Variants in IL1RL2 observed in about 807,000 individuals in gnomAD.
The protein encoded by IL1RL2 is interleukin 1 receptor like 2.
A neutral mutation model predicts 66.8 loss-of-function variants in IL1RL2; 68 were observed. The observed-to-expected ratio is 1.02, with a 90% CI of 0.84 to 1.25. IL1RL2 has a LOEUF of 1.25. Ranked by LOEUF, IL1RL2 falls within the 50% of genes most tolerant of loss-of-function variation. IL1RL2 has a pLI of 0.00. For missense variants in IL1RL2, 729 were observed against 709.3 expected (o/e 1.03, Z -0.32); for synonymous variants, 305 against 264.6 (o/e 1.15, Z -1.48).
chr2:102,235,910 T>C, intron 11 of IL1RL2: 2 of 985,428 alleles, frequency 2.0e-6, no homozygotes, highest in Non-Finnish European at 2.4e-6. Flanking sequence ...GACTGCCTCT[T>C]GGTCACCCTT....
At chr2:102,228,876 T>C (rs950319094) in intron 9 of IL1RL2, among the ~76,000 whole-genome samples, 1 of 150,038 alleles carries the variant, frequency 6.7e-6, no homozygotes, top group Non-Finnish European at 1.5e-5. Context: ...CAAAGGCAGA[T>C]TTTTTTTCCC....
At chr2:102,194,349 T>C (rs1024853239) in intron 4 of IL1RL2, among the ~76,000 whole-genome samples, 3 of 152,224 alleles carry the variant, frequency 2.0e-5, no homozygotes, top group African/African-American at 4.8e-5. Flanking sequence ...ATTATTATTA[T>C]TGTTAGACTC....
intron 6 of IL1RL2, among the ~76,000 whole-genome samples, chr2:102,215,829 T>C (rs1689566515): frequency 6.6e-6 from 1 of 152,128 alleles, no homozygotes; most frequent in African/African-American, 2.4e-5. Flanking sequence ...AAAGCCAACA[T>C]ACCTTATCCA....
Position 102,235,121 on chromosome 2 carries a change from C to T in IL1RL2, c.1522C>T (p.His508Tyr). The change falls in exon 11 of 12, where the codon CAT becomes TAT. Residue 508 changes from histidine (H) to tyrosine (Y), a missense_variant. Transcript: ENST00000264257. ...PESIQYIKQKHGAIRWHGDFT... is the reference protein window; with the variant it reads ...PESIQYIKQKYGAIRWHGDFT... ...GTCAATTCAGTACATCAAACAGAAG[C>T]ATGGTGCCATCCGGTGGCATGGGGA... 1 of 1,614,220 alleles carries T rather than the reference C, an allele frequency of 6.2e-7. No individual in the cohort carries two copies. Among genetic ancestry groups the T allele is most frequent in the South Asian group, 1.1e-5 (1 of 91,084 alleles).
chr2:102,229,474 A>C (rs1230040534), intron 9 of IL1RL2, among the ~76,000 whole-genome samples: 1 of 152,090 alleles, frequency 6.6e-6, no homozygotes, highest in East Asian at 1.9e-4. Flanking sequence ...CAGCTGGGAG[A>C]CTTTGGAGAG....
At chr2:102,209,270 A>G (rs1243644370) in intron 5 of IL1RL2, among the ~76,000 whole-genome samples, 2 of 152,230 alleles carry the variant, frequency 1.3e-5, no homozygotes, top group Non-Finnish European at 2.9e-5. Flanking sequence ...TGGTGAATCT[A>G]GGGGTTAAAT....
At position 102,206,891 on chromosome 2, in the gene IL1RL2, TA is replaced by T. The variant is rs567692402; in HGVS notation, c.649+5179del. On this transcript the variant is annotated intron_variant, in intron 5 of 11. Transcript: ENST00000264257. ...GCCATCTAGGAGTGAGGGATTAGAGTAAACAAACCTTAGAAGTCTACCAAGT... is the reference window on the plus strand; with the variant it reads ...GCCATCTAGGAGTGAGGGATTAGAGTAACAAACCTTAGAAGTCTACCAAGT... Among the ~76,000 whole-genome samples the T allele has an allele frequency of 1.2e-3, 190 of 152,208 alleles. 1 individual carries two copies. The highest frequency in any genetic ancestry group is 4.3e-3 in the African/African-American group (178 of 41,528).
intron 3 of IL1RL2, among the ~76,000 whole-genome samples, chr2:102,190,772 A>T (rs1687158473): frequency 6.6e-6 from 1 of 152,254 alleles, no homozygotes; most frequent in South Asian, 2.1e-4. Flanking sequence ...TGAAGATCAT[A>T]CATCACATAA....
rs144973039 is a variant in IL1RL2, at chr2:102,201,623, C to T, written c.557C>T (p.Ser186Leu). ...LETRLLVSNV[S>L]AEDRGNYACQ... is the part of the protein sequence containing the mutation. ...ACCAGGCTTTTGGTGAGCAATGTCTCGGCAGAGGACAGAGGGAACTACGCG... is the reference window on the plus strand; with the variant it reads ...ACCAGGCTTTTGGTGAGCAATGTCTTGGCAGAGGACAGAGGGAACTACGCG... The change falls in exon 5 of 12, where the codon TCG becomes TTG. Residue 186 changes from serine (S) to leucine (L), a missense_variant. Ser to Leu is a moderately radical substitution (Grantham distance 145). Coordinates refer to ENST00000264257, the MANE Select transcript of IL1RL2 (RefSeq NM_003854.4). The T allele has an allele frequency of 5.2e-5, 84 of 1,613,878 alleles. No individual in the cohort carries two copies. Among genetic ancestry groups the T allele is most frequent in the African/African-American group, 4.3e-4 (32 of 74,890 alleles).
chr2:102,242,243 T>C (rs374279713), downstream of IL1RL2, among the ~76,000 whole-genome samples: 8 of 152,230 alleles, frequency 5.3e-5, no homozygotes, highest in African/African-American at 1.9e-4. Context: ...CAGGAAGTTA[T>C]AAAAATATTC....
Position 102,187,355 on chromosome 2 carries a change from T to C in IL1RL2, c.-13+269T>C, listed in dbSNP as rs2104689192. On this transcript the variant is annotated intron_variant, in intron 1 of 11. Coordinates refer to ENST00000264257, the MANE Select transcript of IL1RL2 (RefSeq NM_003854.4). ...TGGCCCTTGCCAGGTAGGCCTGCCC[T>C]GGCTGCTCCCCAGTGAGCGGGTGTT... 4.3e-6 allele frequency: 5 copies of C among 1,161,580 alleles called. No individual in the cohort carries two copies. The South Asian group carries it at 8.6e-5, about 20-fold the overall frequency. 72.0% of individuals were successfully genotyped at this position (1,161,580 alleles called of 1,614,324 possible).
chr2:102,230,811 G>A (rs113857898), intron 9 of IL1RL2, among the ~76,000 whole-genome samples: 2 of 152,226 alleles, frequency 1.3e-5, no homozygotes, highest in African/African-American at 4.8e-5. Context: ...GGTGAGCAGG[G>A]ACCCGAAGGT....
intron 10 of IL1RL2, among the ~76,000 whole-genome samples, chr2:102,234,461 T>G (rs577372888): frequency 6.6e-6 from 1 of 152,144 alleles, no homozygotes; most frequent in African/African-American, 2.4e-5. Context: ...AACCCAAAAC[T>G]TGAATTAATC....
chr2:102,228,316 G>A (rs1056058508), intron 9 of IL1RL2, among the ~76,000 whole-genome samples: 2 of 152,122 alleles, frequency 1.3e-5, no homozygotes, highest in Non-Finnish European at 2.9e-5. Flanking sequence ...AGGAAATACC[G>A]ATTAATGGAT....
At chr2:102,193,840 C>T (rs1337636145) in intron 4 of IL1RL2, among the ~76,000 whole-genome samples, 4 of 151,940 alleles carry the variant, frequency 2.6e-5, no homozygotes, top group African/African-American at 9.7e-5. Flanking sequence ...CTGAACTGCC[C>T]ACTCATATCT....
At chr2:102,206,484 T>C (rs1387160823) in intron 5 of IL1RL2, among the ~76,000 whole-genome samples, 1 of 152,212 alleles carries the variant, frequency 6.6e-6, no homozygotes, top group East Asian at 1.9e-4. Context: ...CTTGCAGACC[T>C]GTAGAGGTAC....
At chr2:102,195,618 T>TTTCTTTCTTTCTTTCTTTCTTTCC (rs1559530175) in intron 4 of IL1RL2, among the ~76,000 whole-genome samples, 1 of 16,370 alleles carries the variant, frequency 6.1e-5, no homozygotes, top group African/African-American at 1.7e-4. Context: ...TCTTTCTTTC[T>TTTCTTTCTTTCTTTCTTTCTTTCC]TTCTTTCTTT....
At chr2:102,200,809 G>T (rs1460156501) in intron 4 of IL1RL2, among the ~76,000 whole-genome samples, 1 of 152,034 alleles carries the variant, frequency 6.6e-6, no homozygotes, top group African/African-American at 2.4e-5. Context: ...GCATTCCTGA[G>T]ACTCACTGGT....
intron 2 of IL1RL2, among the ~76,000 whole-genome samples, chr2:102,188,427 A>T (rs778558040): frequency 6.6e-6 from 1 of 151,922 alleles, no homozygotes; most frequent in South Asian, 2.1e-4. Context: ...TACTAAAAAT[A>T]CATTAAAAAA....
Sources: gnomAD v4.1 joint callset for allele counts (sites outside exome capture counted in the v4.1 genomes callset) on GRCh38, gnomAD v4.1.1 for gene constraint, MANE v1.5 for transcripts, NCBI Gene and HGNC (gene_info 2026-07-23, HGNC 2026-07-21) for gene names.